The following CSMD3 variants were observed in gnomAD, a reference collection of about 807,000 sequenced individuals.
The protein encoded by CSMD3 is CUB and Sushi multiple domains 3, also known as CUB and sushi domain-containing protein 3.
Under a neutral mutation model 435.2 loss-of-function variants are expected in CSMD3, and 177 were observed. The observed-to-expected ratio is 0.41, with a 90% confidence interval of 0.36 to 0.46. The LOEUF (loss-of-function observed/expected upper bound fraction) is 0.46. Among genes scored for constraint, CSMD3 ranks in the 20% least tolerant of loss-of-function variants. The pLI is 0.34. For synonymous variants in CSMD3, 1,656 were observed against 1,520.5 expected (o/e 1.09, Z -2.07); for missense variants, 4,265 against 4,504.6 (o/e 0.95, Z 1.52).
chr8:112,566,111 T>C (rs1342753254), intron 24 of CSMD3, among the ~76,000 whole-genome samples: 6 of 150,584 alleles, frequency 4.0e-5, no homozygotes, highest in African/African-American at 1.5e-4. Flanking sequence ...GAAATATATA[T>C]AAATATATAA....
chr8:112,695,437 C>A (rs1160507037), intron 13 of CSMD3, among the ~76,000 whole-genome samples: 1 of 152,078 alleles, frequency 6.6e-6, no homozygotes. Context: ...ATATGCAAAT[C>A]AATAAATGCA....
intron 3 of CSMD3, among the ~76,000 whole-genome samples, chr8:113,247,165 A>G (rs1563600349): frequency 6.6e-6 from 1 of 152,206 alleles, no homozygotes; most frequent in Non-Finnish European, 1.5e-5. Flanking sequence ...TGTTCCAACC[A>G]GTATCAATGC....
At chr8:112,682,268 T>G (rs1044777330) in intron 16 of CSMD3, among the ~76,000 whole-genome samples, 174 bp downstream of exon 16, 2 of 152,176 alleles carry the variant, frequency 1.3e-5, no homozygotes, top group African/African-American at 4.8e-5. Context: ...AAATTTGTTT[T>G]AACATGAAAA....
At chr8:113,164,882 T>C (rs2092120366) in intron 4 of CSMD3, among the ~76,000 whole-genome samples, 1 of 152,164 alleles carries the variant, frequency 6.6e-6, no homozygotes, top group Non-Finnish European at 1.5e-5. Context: ...ACTTTTCACA[T>C]GGAATGAGTC....
chr8:112,938,780 C>T (rs564183396), intron 9 of CSMD3, among the ~76,000 whole-genome samples: 23 of 152,120 alleles, frequency 1.5e-4, no homozygotes, highest in African/African-American at 5.3e-4. Flanking sequence ...GTTTCCACTA[C>T]ATTGAGGAAG....
intron 10 of CSMD3, among the ~76,000 whole-genome samples, chr8:112,890,801 CT>C: frequency 6.6e-6 from 1 of 151,654 alleles, no homozygotes; most frequent in East Asian, 2.0e-4. Flanking sequence ...ATAGGCATGG[CT>C]TTTTTGTGGG....
chr8:112,896,854 T>A (rs1268870886), intron 10 of CSMD3, among the ~76,000 whole-genome samples: 1 of 151,398 alleles, frequency 6.6e-6, no homozygotes, highest in African/African-American at 2.4e-5. Flanking sequence ...GCTCTTAGAA[T>A]AAAAACAAGC....
intron 10 of CSMD3, among the ~76,000 whole-genome samples, chr8:112,892,423 A>G (rs2081822840): frequency 6.6e-6 from 1 of 151,554 alleles, no homozygotes; most frequent in Non-Finnish European, 1.5e-5. Context: ...TTTGGAAAAT[A>G]GGGGTAATTA....
chr8:112,243,645 T>C (rs1814391851), intron 65 of CSMD3, among the ~76,000 whole-genome samples: 1 of 152,124 alleles, frequency 6.6e-6, no homozygotes, highest in African/African-American at 2.4e-5. Flanking sequence ...CTCTTTCTAC[T>C]AGGGTTACTC....
At position 112,579,243 on chromosome 8, in the gene CSMD3, C is replaced by T. The variant is rs569964955; in HGVS notation, c.3886-5586G>A. On this transcript the variant is annotated intron_variant, in intron 23 of 70. Coordinates refer to ENST00000297405, the MANE Select transcript of CSMD3 (RefSeq NM_198123.2). Reference sequence around the variant, plus strand: ...TATTTCTTCAATATATAGTGCTACTCATAATGTAATGGGCACAGACACAAC... The same window carrying T: ...TATTTCTTCAATATATAGTGCTACTTATAATGTAATGGGCACAGACACAAC... 3.1e-4 allele frequency among the ~76,000 whole-genome samples: 47 copies of T among 152,138 alleles called. No individual in the cohort carries two copies. The South Asian group carries it at 8.3e-3, about 27-fold the overall frequency.
At chr8:112,299,197 G>C (rs1820665311) in intron 53 of CSMD3, among the ~76,000 whole-genome samples, 1 of 152,078 alleles carries the variant, frequency 6.6e-6, no homozygotes, top group African/African-American at 2.4e-5. Context: ...GGTTATGGAG[G>C]AGGAGAGTTG....
intron 3 of CSMD3, among the ~76,000 whole-genome samples, chr8:113,198,642 AT>A (rs1298033552): frequency 6.6e-6 from 1 of 151,038 alleles, no homozygotes; most frequent in South Asian, 2.1e-4. Context: ...TAGTATTAAA[AT>A]TTTTTTTGGA....
chr8:113,415,037 A>G (rs2094575944), intron 1 of CSMD3, among the ~76,000 whole-genome samples: 1 of 152,186 alleles, frequency 6.6e-6, no homozygotes, highest in Admixed American at 6.6e-5. Context: ...TGCAGAATTA[A>G]CTAGTGAAAA....
chr8:113,016,624 G>A (rs1422014684), intron 6 of CSMD3, among the ~76,000 whole-genome samples: 2 of 151,772 alleles, frequency 1.3e-5, no homozygotes, highest in African/African-American at 4.8e-5. Context: ...TAGTTACTGA[G>A]TACTCGGTAA....
chr8:112,330,720 G>A (rs1364247865), intron 45 of CSMD3, among the ~76,000 whole-genome samples: 1 of 152,062 alleles, frequency 6.6e-6, no homozygotes, highest in African/African-American at 2.4e-5. Flanking sequence ...TTGAGAAAAT[G>A]AGATGACCCA....
At chr8:113,372,406 G>T (rs2094351400) in intron 1 of CSMD3, among the ~76,000 whole-genome samples, 1 of 152,086 alleles carries the variant, frequency 6.6e-6, no homozygotes, top group East Asian at 1.9e-4. Context: ...TTTGGGCTTT[G>T]ATTTCTACAT....
At chr8:113,216,310 A>C (rs2132105702) in intron 3 of CSMD3, among the ~76,000 whole-genome samples, 1 of 152,034 alleles carries the variant, frequency 6.6e-6, no homozygotes, top group Non-Finnish European at 1.5e-5. Context: ...TTATATCTTT[A>C]AAAGACAAAA....
chr8:113,400,863 T>A (rs1263987224), intron 1 of CSMD3, among the ~76,000 whole-genome samples: 1 of 151,838 alleles, frequency 6.6e-6, no homozygotes, highest in Non-Finnish European at 1.5e-5. Context: ...TTATATCATC[T>A]TTTATTTATT....
At chr8:112,365,193 G>C (rs548681962) in intron 38 of CSMD3, among the ~76,000 whole-genome samples, 7 of 152,160 alleles carry the variant, frequency 4.6e-5, no homozygotes, top group African/African-American at 1.7e-4. Context: ...CAAGCAAATA[G>C]ATTTTCTTGA....
Sources: allele counts gnomAD v4.1 joint callset (sites outside exome capture counted in the v4.1 genomes callset), GRCh38; gene constraint gnomAD v4.1.1; transcripts MANE v1.5; gene names NCBI Gene and HGNC (gene_info 2026-07-23, HGNC 2026-07-21).